Variants in CPSF6 observed in about 807,000 individuals in gnomAD.
The protein encoded by CPSF6 is cleavage and polyadenylation specificity factor subunit 6.
A neutral mutation model predicts 56.7 loss-of-function variants in CPSF6; 10 were observed. The ratio of observed to expected loss-of-function variants is 0.18; its 90% CI spans 0.11 to 0.30. The LOEUF is 0.30. Among genes scored for constraint, CPSF6 ranks in the 10% least tolerant of loss-of-function variants. The pLI is 1.00. For synonymous variants in CPSF6, 248 were observed against 244.8 expected (o/e 1.01, Z -0.12); for missense variants, 419 against 722.9 (o/e 0.58, Z 4.82).
intron 1 of CPSF6, among the ~76,000 whole-genome samples, chr12:69,247,445 A>G (rs1396798501): frequency 6.7e-6 from 1 of 150,290 alleles, no homozygotes; most frequent in East Asian, 2.1e-4. Flanking sequence ...GCTAGCTACT[A>G]TGAACAGCAG....
intron 1 of CPSF6, among the ~76,000 whole-genome samples, chr12:69,243,179 C>G (rs773834486): frequency 6.6e-6 from 1 of 152,174 alleles, no homozygotes; most frequent in Non-Finnish European, 1.5e-5. Context: ...TAGGTAGTCT[C>G]TACCCTTAGA....
intron 1 of CPSF6, among the ~76,000 whole-genome samples, chr12:69,249,151 T>TGGGGGG (rs1872076900): frequency 4.7e-5 from 1 of 21,378 alleles, no homozygotes; most frequent in African/African-American, 4.7e-4. Context: ...TCCCAGCTAC[T>TGGGGGG]CGGGGGGGGG....
At chr12:69,259,952 G>A in intron 7 of CPSF6, 92 bp from the exon 8 acceptor site, 3 of 1,326,586 alleles carry the variant, frequency 2.3e-6, no homozygotes, top group Non-Finnish European at 3.1e-6. Context: ...CAGTACTTTT[G>A]TAAAATGCCT....
intron 2 of CPSF6, among the ~76,000 whole-genome samples, chr12:69,252,721 GA>G (rs1490670095): frequency 2.6e-5 from 4 of 152,128 alleles, no homozygotes; most frequent in Admixed American, 2.6e-4. Context: ...CCTTTAATGG[GA>G]GGAAGTGAAA....
At chr12:69,259,608 T>C (rs542839827) in intron 7 of CPSF6, 65 bp downstream of exon 7, 2 of 1,360,420 alleles carry the variant, frequency 1.5e-6, no homozygotes, top group Non-Finnish European at 2.0e-6. Context: ...AAAATGTAAG[T>C]ACAATCTAGA....
intron 3 of CPSF6, chr12:69,255,014 C>G (rs1055528234): frequency 6.6e-6 from 1 of 152,214 alleles, no homozygotes; most frequent in Non-Finnish European, 1.5e-5. Context: ...CATTTCATCA[C>G]TCCAAGAAGG....
chr12:69,252,659 T>G (rs1872309132), intron 2 of CPSF6, among the ~76,000 whole-genome samples: 1 of 152,200 alleles, frequency 6.6e-6, no homozygotes, highest in Admixed American at 6.6e-5. Context: ...ACATGTTAGT[T>G]TTTTCTTATC....
chr12:69,245,496 G>C (rs528210843), intron 1 of CPSF6, among the ~76,000 whole-genome samples: 1 of 152,304 alleles, frequency 6.6e-6, no homozygotes, highest in African/African-American at 2.4e-5. Flanking sequence ...GGCATCCACT[G>C]GGGGTCTTGG....
intron 1 of CPSF6, among the ~76,000 whole-genome samples, chr12:69,245,914 C>G (rs536654167): frequency 3.3e-5 from 5 of 152,216 alleles, no homozygotes; most frequent in South Asian, 4.1e-4. Context: ...GGCGAAACCC[C>G]TGTCTCTACT....
chr12:69,244,120 C>T (rs1446656553), intron 1 of CPSF6, among the ~76,000 whole-genome samples: 12 of 152,152 alleles, frequency 7.9e-5, no homozygotes, highest in African/African-American at 1.9e-4. Context: ...GTGACTGGCC[C>T]GTTTTTACTT....
intron 1 of CPSF6, among the ~76,000 whole-genome samples, chr12:69,249,163 GGGGGGGCT>G (rs1872090930): frequency 2.3e-5 from 2 of 86,306 alleles, no homozygotes; most frequent in East Asian, 3.1e-4. Context: ...GGGGGGGGGG[GGGGGGGCT>G]GAGGCAGGAG....
intron 1 of CPSF6, among the ~76,000 whole-genome samples, chr12:69,246,971 G>T (rs1871940219): frequency 6.6e-6 from 1 of 152,030 alleles, no homozygotes; most frequent in African/African-American, 2.4e-5. Context: ...AGCCTCGAAT[G>T]ATATTACTGT....
chr12:69,241,331 C>T (rs1871605840), intron 1 of CPSF6, among the ~76,000 whole-genome samples: 1 of 152,124 alleles, frequency 6.6e-6, no homozygotes, highest in Non-Finnish European at 1.5e-5. Context: ...CAGGTTCTAA[C>T]GCTTATAAGA....
chr12:69,245,420 C>T, intron 1 of CPSF6, among the ~76,000 whole-genome samples: 1 of 152,134 alleles, frequency 6.6e-6, no homozygotes, highest in African/African-American at 2.4e-5. Flanking sequence ...ATAAATTAAA[C>T]TTTATCGTAG....
At chr12:69,244,488 C>T (rs1565642092) in intron 1 of CPSF6, among the ~76,000 whole-genome samples, 1 of 151,768 alleles carries the variant, frequency 6.6e-6, no homozygotes, top group Non-Finnish European at 1.5e-5. Flanking sequence ...CTTCCCAAAG[C>T]GCTGGGATTA....
At position 69,257,922 on chromosome 12, in the gene CPSF6, A is replaced by G. The variant is rs1245752425; in HGVS notation, c.694+17A>G. On this transcript the variant is annotated intron_variant, in intron 5 of 9. Transcript: ENST00000435070. ...CTTTTCCAGGTAAAACTTTTCTTAA[A>G]TTACCATGGATAAAACATGTCTACC... 6.3e-7 allele frequency: 1 copy of G among 1,589,008 alleles called. No homozygotes were observed.
intron 9 of CPSF6, among the ~76,000 whole-genome samples, 157 bp from the exon 10 acceptor site, chr12:69,269,355 C>T (rs1355910819): frequency 6.6e-6 from 1 of 151,780 alleles, no homozygotes; most frequent in Non-Finnish European, 1.5e-5. Flanking sequence ...ATTTCACCAC[C>T]ACAAAGGCAG....
At chr12:69,250,622 GAAAT>G (rs1299132320) in intron 1 of CPSF6, among the ~76,000 whole-genome samples, 8 of 133,060 alleles carry the variant, frequency 6.0e-5, no homozygotes, top group African/African-American at 2.3e-4. Context: ...AAAAAGAAAA[GAAAT>G]AAAGGAAACC....
chr12:69,245,609 T>A (rs561633329), intron 1 of CPSF6, among the ~76,000 whole-genome samples: 4 of 152,296 alleles, frequency 2.6e-5, no homozygotes, highest in African/African-American at 9.6e-5. Flanking sequence ...TAAAGTTTTG[T>A]TGATCTGGAG....
Sources: allele counts gnomAD v4.1 joint callset (sites outside exome capture counted in the v4.1 genomes callset), GRCh38; gene constraint gnomAD v4.1.1; transcripts MANE v1.5; gene names NCBI Gene and HGNC (gene_info 2026-07-23, HGNC 2026-07-21).